The following LSR variants were observed in gnomAD, a reference collection of about 807,000 sequenced individuals.
LSR encodes lipolysis-stimulated lipoprotein receptor.
LSR carries 44 observed loss-of-function variants against 61.8 expected under a neutral mutation model. That is an observed-to-expected ratio of 0.71 (90% CI 0.56 to 0.91). The LOEUF is 0.91. Ranked by LOEUF, LSR falls within the 40% of genes least tolerant of loss-of-function variation. The probability of loss-of-function intolerance (pLI) is 0.00; values close to 1 mark genes in which losing one functional copy is unlikely to be tolerated. For synonymous variants in LSR, 397 were observed against 350.6 expected, an observed-to-expected ratio of 1.13 and a Z score of -1.48; for missense variants, 911 against 830.5, an observed-to-expected ratio of 1.10 and a Z score of -1.19.
intron 1 of LSR, among the ~76,000 whole-genome samples, 190 bp from the exon 2 acceptor site, chr19:35,250,125 C>T (rs2065771301): frequency 6.6e-6 from 1 of 152,154 alleles, no homozygotes; most frequent in South Asian, 2.1e-4. Context: ...GCCACTTCAG[C>T]CCCACGGGTC....
Position 35,250,106 on chromosome 19 carries a change from C to T in LSR, c.110-209C>T, listed in dbSNP as rs576465891. 9.2e-5 allele frequency among the ~76,000 whole-genome samples: 14 copies of T among 152,244 alleles called. No individual in the cohort carries two copies. The South Asian group carries it at 2.7e-3, about 29-fold the overall frequency. ...AGTCCAAGGAAACTGGCCGTGTCAC[C>T]GTGCACCTGCCACTTCAGCCCCACG... is the stretch of plus-strand genomic sequence containing the variant. On this transcript the variant is annotated intron_variant, in intron 1 of 9. Coordinates refer to ENST00000605618, the MANE Select transcript of LSR (RefSeq NM_205834.4).
At chr19:35,258,862 G>A in intron 2 of LSR, 83 bp from the exon 3 acceptor site, 1 of 1,572,038 alleles carries the variant, frequency 6.4e-7, no homozygotes, top group Non-Finnish European at 8.7e-7. Flanking sequence ...CCTCCTGGGT[G>A]TGCTGGGAAG....
rs143683475 is a variant in LSR, at chr19:35,267,564, G to A, written c.1600G>A (p.Gly534Arg). Reference sequence around the variant, plus strand: ...CCCTCGGGACAACGGCTCCAGGTCCGGGGACCTCCCCTATGATGGGCGGCT... The same window carrying A: ...CCCTCGGGACAACGGCTCCAGGTCCAGGGACCTCCCCTATGATGGGCGGCT... ...RDPRDNGSRS[G>R]DLPYDGRLLE... Residue 534 changes from glycine to arginine, a missense_variant, in exon 9 of 10, where the codon GGG becomes AGG. Coordinates refer to ENST00000605618, the MANE Select transcript of LSR (RefSeq NM_205834.4). 6.3e-5 allele frequency: 101 copies of A among 1,611,986 alleles called. No homozygotes were observed. Among genetic ancestry groups the A allele is most frequent in the Middle Eastern group, 1.6e-4 (1 of 6,084 alleles).
chr19:35,262,507 C>T (rs368285669), intron 4 of LSR, 39 bp from the exon 5 acceptor site: 1 of 1,612,714 alleles, frequency 6.2e-7, no homozygotes, highest in Non-Finnish European at 8.5e-7. Context: ...CCTGTTCCCT[C>T]CCAGGCCTCC....
chr19:35,250,593 A>T lies in LSR; in HGVS notation c.388A>T (p.Thr130Ser), dbSNP rs564232630. 29 of 1,610,806 alleles carry T rather than the reference A, an allele frequency of 1.8e-5. No homozygotes were observed. The South Asian group carries it at 3.1e-4, about 17-fold the overall frequency. ...DSVRTVRVVA[T>S]KQGNAVTLGD... ...CGTGCGCACCGTCAGGGTCGTGGCC[A>T]CCAAGCAGGGCAACGCTGTGACCCT... The change falls in exon 2 of 10, where the codon ACC becomes TCC. Residue 130 changes from threonine (T) to serine (S), a missense_variant. By Grantham distance (58) the Thr-to-Ser change is moderately conservative (BLOSUM62 1). Transcript: ENST00000605618.
chr19:35,264,610 C>T (rs1370053336), intron 5 of LSR: 1 of 152,260 alleles, frequency 6.6e-6, no homozygotes, highest in African/African-American at 2.4e-5. Flanking sequence ...TGTGTGCACA[C>T]AGTCCAAGAT....
chr19:35,250,545 C>A lies in LSR; in HGVS notation c.340C>A (p.Pro114Thr). The A allele has an allele frequency of 6.2e-7, 1 of 1,614,136 alleles. No individual in the cohort carries two copies. Among genetic ancestry groups the A allele is most frequent in the African/African-American group, 1.3e-5 (1 of 75,044 alleles). ...QLAAGNPGYN[P>T]YVECQDSVRT... ...GGCAGCCGGGAACCCAGGCTACAAC[C>A]CCTACGTTGAGTGCCAGGACAGCGT... is the stretch of plus-strand genomic sequence containing the variant. The change falls in exon 2 of 10, where the codon CCC becomes ACC. Residue 114 changes from proline to threonine, a missense_variant. By Grantham distance (38) the Pro-to-Thr change is conservative. Transcript: ENST00000605618.
intron 3 of LSR, among the ~76,000 whole-genome samples, chr19:35,260,586 C>T (rs909146097): frequency 6.6e-6 from 1 of 151,784 alleles, no homozygotes; most frequent in Admixed American, 6.6e-5. Flanking sequence ...AGCCACTGCC[C>T]GGCCTTAAAA....
In LSR at chr19:35,261,939, G is replaced by A; in HGVS notation, c.589G>A (p.Val197Met). 1 of 1,487,682 alleles carries A rather than the reference G, an allele frequency of 6.7e-7. No homozygotes were observed. The highest frequency in any genetic ancestry group is 8.9e-7 in the Non-Finnish European group (1 of 1,125,554). The allele number at this position is 1,487,682 out of a possible 1,614,324, so 92.2% of individuals were successfully genotyped here. The change falls in exon 4 of 10, where the codon GTG becomes ATG. Residue 197 changes from valine (V) to methionine (M), a missense_variant. Transcript: ENST00000605618. ...TGTCCCTCCAGGGAGGACCTCAGGGGTGGCTGAGCTCTTACCTGGTTTTCA... is the reference window on the plus strand; with the variant it reads ...TGTCCCTCCAGGGAGGACCTCAGGGATGGCTGAGCTCTTACCTGGTTTTCA... The part of the protein sequence containing the change: ...ELIVLGRTSG[V>M]AELLPGFQAG...
chr19:35,266,687 C>A lies in LSR; in HGVS notation c.961C>A (p.Gln321Lys). The change falls in exon 7 of 10, where the codon CAA (glutamine) becomes AAA (lysine). Residue 321 changes from glutamine (Q) to lysine (K), a missense_variant. Transcript: ENST00000605618. ...CAGCCACTCTCCCCCAGCTGGTGGC[C>A]AAGGCTCCTATGTACCCCTGCTTCG... ...DVDRSSSAGG[Q>K]GSYVPLLRDT... The A allele has an allele frequency of 6.2e-7, 1 of 1,608,792 alleles. No homozygotes were observed. The highest frequency in any genetic ancestry group is 8.5e-7 in the Non-Finnish European group (1 of 1,177,994).
intron 2 of LSR, among the ~76,000 whole-genome samples, chr19:35,256,061 C>G (rs527474678): frequency 5.3e-5 from 8 of 152,168 alleles, no homozygotes; most frequent in African/African-American, 1.4e-4. Flanking sequence ...AGTGAAAAAC[C>G]TGTCTCTACT....
chr19:35,261,063 T>G (rs1278371804), intron 3 of LSR, among the ~76,000 whole-genome samples: 1 of 152,320 alleles, frequency 6.6e-6, no homozygotes, highest in East Asian at 1.9e-4. Context: ...TAGTGCCAAG[T>G]GCATGAGCTC....
At position 35,262,248 on chromosome 19, in the gene LSR, C is replaced by G. The variant is rs2065939500; in HGVS notation, c.631+267C>G. 2.0e-5 allele frequency among the ~76,000 whole-genome samples: 3 copies of G among 152,102 alleles called. No individual in the cohort carries two copies. The South Asian group carries it at 6.2e-4, about 31-fold the overall frequency. Reference sequence around the variant, plus strand: ...GGGTGTGGCGTCTGGGCAGCTGGCTCTCTCTTTGGTCTGGGGGCTGCAGTC... The same window carrying G: ...GGGTGTGGCGTCTGGGCAGCTGGCTGTCTCTTTGGTCTGGGGGCTGCAGTC... On this transcript the variant is annotated intron_variant, in intron 4 of 9. Coordinates refer to ENST00000605618, the MANE Select transcript of LSR (RefSeq NM_205834.4).
Position 35,266,545 on chromosome 19 carries a change from G to A in LSR, c.952+13G>A. The A allele has an allele frequency of 6.3e-7, 1 of 1,598,316 alleles. No individual in the cohort carries two copies. Among genetic ancestry groups the A allele is most frequent in the South Asian group, 1.1e-5 (1 of 89,196 alleles). On this transcript the variant is annotated intron_variant, in intron 6 of 9. Transcript: ENST00000605618. ...AGGAGTAGCTCAGGTGAGGCCGGGGGAAGCAGGAACAGCTGGTGGGAGTGT... is the reference window on the plus strand; with the variant it reads ...AGGAGTAGCTCAGGTGAGGCCGGGGAAAGCAGGAACAGCTGGTGGGAGTGT...
rs1434726411 is a variant in LSR, at chr19:35,250,558, GC to G, written c.355del (p.Gln119ArgfsTer18). 2 of 1,613,778 alleles carry G rather than the reference GC, an allele frequency of 1.2e-6. No homozygotes were observed. Among genetic ancestry groups the G allele is most frequent in the Non-Finnish European group, 1.7e-6 (2 of 1,179,862 alleles). The stretch of plus-strand genomic sequence containing the variant: ...CCAGGCTACAACCCCTACGTTGAGT[GC>G]CAGGACAGCGTGCGCACCGTCAGGG... ...GNPGYNPYVE[C>X]QDSVRTVRVV... On this transcript the variant is annotated frameshift_variant, in exon 2 of 10. Coordinates refer to ENST00000605618, the MANE Select transcript of LSR (RefSeq NM_205834.4). LOFTEE classifies it high-confidence loss of function.
chr19:35,262,889 T>A (rs2065949212), intron 5 of LSR, 197 bp downstream of exon 5: 1 of 614,418 alleles, frequency 1.6e-6, no homozygotes, highest in African/African-American at 1.8e-5. Flanking sequence ...TTATTTTTAT[T>A]TATGTTGTTC....
At chr19:35,266,308 C>A (rs1223230580) in intron 5 of LSR, 51 bp from the exon 6 acceptor site, 3 of 1,485,934 alleles carry the variant, frequency 2.0e-6, no homozygotes. Flanking sequence ...GGGTATGGGG[C>A]AGCCTGGCTC....
rs772836210 is a variant in LSR, at chr19:35,259,048, A to G, written c.558A>G (p.Ala186=). ...QDLQGNNEAY[A]ELIVLGRTSG... ...TCCAGGGGAACAATGAGGCCTACGC[A>G]GAGCTCATCGTCCTTGGTGAGTGGG... Residue 186 remains alanine (A), a synonymous_variant, in exon 3 of 10, where the codon GCA becomes GCG. Coordinates refer to ENST00000605618, the MANE Select transcript of LSR (RefSeq NM_205834.4). 3.3e-5 allele frequency: 53 copies of G among 1,613,570 alleles called. 2 individuals are homozygous for G. In the Admixed American group the frequency reaches 8.7e-4, roughly 26 times the overall value.
chr19:35,249,648 T>A (rs1768164047), intron 1 of LSR, among the ~76,000 whole-genome samples: 1 of 152,032 alleles, frequency 6.6e-6, no homozygotes, highest in African/African-American at 2.4e-5. Context: ...TATACGTGCG[T>A]AAGAGTCTGG....
Sources: gnomAD v4.1 joint callset for allele counts (sites outside exome capture counted in the v4.1 genomes callset) on GRCh38, gnomAD v4.1.1 for gene constraint, MANE v1.5 for transcripts, NCBI Gene and HGNC (gene_info 2026-07-23, HGNC 2026-07-21) for gene names.